Variants in PRR14L observed in about 807,000 individuals in gnomAD.
The protein encoded by PRR14L is protein PRR14L.
A neutral mutation model predicts 155.0 loss-of-function variants in PRR14L; 80 were observed. That is an observed-to-expected ratio of 0.52 (90% CI 0.43 to 0.62). PRR14L has a LOEUF of 0.62. Ranked by LOEUF, PRR14L falls within the 20% of genes least tolerant of loss-of-function variation. The pLI is 0.00. For missense variants in PRR14L, 2,469 were observed against 2,548.0 expected (o/e 0.97, Z 0.67); for synonymous variants, 883 against 916.0 (o/e 0.96, Z 0.65).
chr22:31,747,470 TGCTCTCACATACTAGATGCA>T (rs1203649851), intron 1 of PRR14L, among the ~76,000 whole-genome samples: 1 of 149,746 alleles, frequency 6.7e-6, no homozygotes. Context: ...TCCCTTATCC[TGCTCTCACATACTAGATGCA>T]GAGTCTTGAG....
At chr22:31,747,076 T>C (rs1488539106) in intron 1 of PRR14L, among the ~76,000 whole-genome samples, 1 of 151,764 alleles carries the variant, frequency 6.6e-6, no homozygotes, top group Non-Finnish European at 1.5e-5. Context: ...AGTGCTGGGA[T>C]TACAGGTGTG....
chr22:31,705,452 C>T (rs529544686), intron 4 of PRR14L, among the ~76,000 whole-genome samples: 59 of 152,064 alleles, frequency 3.9e-4, no homozygotes, highest in African/African-American at 1.3e-3. Flanking sequence ...CGGCTCACTG[C>T]AACCTCCACT....
chr22:31,723,004 C>G (rs1297775397), intron 3 of PRR14L, among the ~76,000 whole-genome samples: 1 of 152,130 alleles, frequency 6.6e-6, no homozygotes, highest in Non-Finnish European at 1.5e-5. Flanking sequence ...TCTTCACAGG[C>G]CTGTCTCCAC....
intron 3 of PRR14L, among the ~76,000 whole-genome samples, chr22:31,718,349 G>A (rs1331035753): frequency 2.0e-5 from 3 of 151,658 alleles, no homozygotes; most frequent in Non-Finnish European, 2.9e-5. Flanking sequence ...TCCGCCTCCC[G>A]GGTTCATGCC....
rs1280128192 is a variant in PRR14L, at chr22:31,688,142, C to T, written c.6179+14G>A. The T allele has an allele frequency of 1.3e-6, 2 of 1,596,548 alleles. No individual in the cohort carries two copies. The highest frequency in any genetic ancestry group is 2.3e-5 in the South Asian group (2 of 86,964). The stretch of plus-strand genomic sequence containing the variant: ...CAAATTCTTCCCTTTTATTTCCCAG[C>T]TATAAGTACCTACCTGTTTGCAGGA... On this transcript the variant is annotated intron_variant, in intron 8 of 8. Transcript: ENST00000327423.
intron 1 of PRR14L, among the ~76,000 whole-genome samples, chr22:31,748,436 C>T (rs530060152): frequency 4.9e-5 from 3 of 61,298 alleles, no homozygotes; most frequent in East Asian, 7.3e-4. Flanking sequence ...CCTGTCTCCA[C>T]GTAAGGAGTG....
intron 2 of PRR14L, among the ~76,000 whole-genome samples, chr22:31,727,591 C>A (rs529109410): frequency 6.6e-6 from 1 of 152,230 alleles, no homozygotes; most frequent in East Asian, 1.9e-4. Flanking sequence ...TTATTGACTT[C>A]TCTTAAAAGG....
At chr22:31,745,112 T>C (rs1162691346) in intron 1 of PRR14L, among the ~76,000 whole-genome samples, 1 of 152,348 alleles carries the variant, frequency 6.6e-6, no homozygotes, top group East Asian at 1.9e-4. Flanking sequence ...GTGCTTTGGC[T>C]CACGCCTGTA....
At chr22:31,726,730 G>A (rs1433339802) in intron 2 of PRR14L, among the ~76,000 whole-genome samples, 1 of 152,130 alleles carries the variant, frequency 6.6e-6, no homozygotes, top group Non-Finnish European at 1.5e-5. Flanking sequence ...CCTGAGTTCT[G>A]TTCCAACCCA....
At chr22:31,734,620 G>C (rs2074768554) in intron 2 of PRR14L, among the ~76,000 whole-genome samples, 1 of 152,158 alleles carries the variant, frequency 6.6e-6, no homozygotes, top group African/African-American at 2.4e-5. Flanking sequence ...TGCCCCACAG[G>C]ACCACTTCTG....
intron 7 of PRR14L, among the ~76,000 whole-genome samples, chr22:31,689,563 A>G (rs750632844): frequency 2.6e-5 from 4 of 152,118 alleles, no homozygotes; most frequent in South Asian, 2.1e-4. Flanking sequence ...CCACTATCTA[A>G]TCAAGACCAG....
chr22:31,713,456 A>G lies in PRR14L; in HGVS notation c.4383T>C (p.Thr1461=). ...CCTCCTTCTGGTCTTCTAACTTCTG[A>G]GTCTGTGCCACAATGCTGTCCTTGG... ...KLAKDSIVAQ[T]QKLEDQKEER... The change falls in exon 4 of 9, where the codon ACT becomes ACC. Residue 1461 remains threonine (T), a synonymous_variant. Transcript: ENST00000327423. 6.4e-7 allele frequency: 1 copy of G among 1,551,658 alleles called. No individual in the cohort carries two copies. Among genetic ancestry groups the G allele is most frequent in the Non-Finnish European group, 8.7e-7 (1 of 1,147,004 alleles).
intron 3 of PRR14L, among the ~76,000 whole-genome samples, chr22:31,720,524 G>C (rs1476335021): frequency 1.3e-5 from 2 of 152,140 alleles, no homozygotes; most frequent in African/African-American, 2.4e-5. Flanking sequence ...CTTGAGATCA[G>C]GAGTTCAAGA....
At chr22:31,730,772 C>G (rs1382135874) in intron 2 of PRR14L, among the ~76,000 whole-genome samples, 1 of 152,126 alleles carries the variant, frequency 6.6e-6, no homozygotes, top group African/African-American at 2.4e-5. Flanking sequence ...GGTTGCCAAA[C>G]AGTGTTTTTT....
At chr22:31,729,964 A>G (rs1239906596) in intron 2 of PRR14L, among the ~76,000 whole-genome samples, 1 of 150,230 alleles carries the variant, frequency 6.7e-6, no homozygotes, top group Non-Finnish European at 1.5e-5. Flanking sequence ...ACCTGAGGTC[A>G]ACTGTGAAAC....
At chr22:31,735,666 T>G (rs2074776406) in intron 2 of PRR14L, among the ~76,000 whole-genome samples, 1 of 151,618 alleles carries the variant, frequency 6.6e-6, no homozygotes. Flanking sequence ...AAGAAACTTT[T>G]CTTGTTAGAC....
chr22:31,704,362 G>C (rs1004602659), intron 5 of PRR14L: 1 of 264,396 alleles, frequency 3.8e-6, no homozygotes, highest in African/African-American at 2.2e-5. Context: ...AGGGACTGAA[G>C]TTGGCTGTTA....
chr22:31,729,908 T>C (rs1015398611), intron 2 of PRR14L, among the ~76,000 whole-genome samples: 1 of 152,046 alleles, frequency 6.6e-6, no homozygotes, highest in African/African-American at 2.4e-5. Context: ...GCACGGTGGT[T>C]CACGCCTGTA....
intron 7 of PRR14L, among the ~76,000 whole-genome samples, chr22:31,688,901 T>TACACACACAC (rs149232375): frequency 0.029 from 4,260 of 147,814 alleles, 138 homozygotes; most frequent in Admixed American, 0.11. Context: ...AATATATACA[T>TACACACACAC]ACACACACAC....
Sources: allele counts gnomAD v4.1 joint callset (sites outside exome capture counted in the v4.1 genomes callset), GRCh38; gene constraint gnomAD v4.1.1; transcripts MANE v1.5; gene names NCBI Gene and HGNC (gene_info 2026-07-23, HGNC 2026-07-21).